The following CEP85L variants were observed in gnomAD, a reference collection of about 807,000 sequenced individuals.
The protein encoded by CEP85L is centrosomal protein 85L.
A neutral mutation model predicts 100.3 loss-of-function variants in CEP85L; 60 were observed. The observed-to-expected ratio is 0.60, with a 90% CI of 0.49 to 0.74. The LOEUF (loss-of-function observed/expected upper bound fraction) is 0.74. Among genes scored for constraint, CEP85L ranks in the 30% least tolerant of loss-of-function variants. The pLI is 0.00. For synonymous variants in CEP85L, 319 were observed against 322.7 expected (o/e 0.99, Z 0.12); for missense variants, 973 against 936.2 (o/e 1.04, Z -0.51).
At chr6:118,559,783 G>A (rs1449233507) in intron 3 of CEP85L, 1 of 167,844 alleles carries the variant, frequency 6.0e-6, no homozygotes, top group East Asian at 1.9e-4. Flanking sequence ...GTACATGTAG[G>A]TAAATCATAA....
chr6:118,664,234 C>CAGTTGGTTGAATTCAT (rs1247173039), intron 1 of CEP85L, among the ~76,000 whole-genome samples: 1 of 152,152 alleles, frequency 6.6e-6, no homozygotes, highest in Non-Finnish European at 1.5e-5. Context: ...GTTGAATTCA[C>CAGTTGGTTGAATTCAT]AGTTGGTTGA....
intron 12 of CEP85L, among the ~76,000 whole-genome samples, chr6:118,468,686 CA>C (rs34377335): frequency 0.71 from 107,763 of 152,036 alleles, 38,919 homozygotes; most frequent in African/African-American, 0.75. Flanking sequence ...CACTGGAAAG[CA>C]AAAATATTTC....
chr6:118,481,795 C>A lies in CEP85L; in HGVS notation c.1729G>T (p.Val577Leu), dbSNP rs751667939. Residue 577 changes from valine to leucine, a missense_variant, in exon 8 of 13, where the codon GTA becomes TTA. Physicochemically the swap from Val to Leu is conservative, Grantham distance 32. Transcript: ENST00000368491. ...ICQKKKEKEL[V>L]TTVQSLQQKV... is the part of the protein sequence containing the mutation. ...TTTTCTTACCTCTGAACGGTAGTTA[C>A]TAACTCCTTTTCTTTCTTTTTCTGG... 1 of 1,583,302 alleles carries A rather than the reference C, an allele frequency of 6.3e-7. No homozygotes were observed. The highest frequency in any genetic ancestry group is 1.2e-5 in the South Asian group (1 of 84,390).
At chr6:118,628,261 T>C (rs977813164) in intron 2 of CEP85L, among the ~76,000 whole-genome samples, 2 of 152,100 alleles carry the variant, frequency 1.3e-5, no homozygotes, top group Admixed American at 6.5e-5. Flanking sequence ...AGACCAGGAA[T>C]TTAAAACAAC....
chr6:118,587,367 C>A (rs1777652), intron 2 of CEP85L, among the ~76,000 whole-genome samples: 2,970 of 152,220 alleles, frequency 0.02, 89 homozygotes, highest in African/African-American at 0.067. Context: ...ATAGCAAATG[C>A]CTCCCTCTGC....
At chr6:118,527,765 T>C (rs1348951307) in intron 3 of CEP85L, among the ~76,000 whole-genome samples, 1 of 152,210 alleles carries the variant, frequency 6.6e-6, no homozygotes, top group Non-Finnish European at 1.5e-5. Flanking sequence ...TAATTTATAA[T>C]ACTAATATTT....
intron 1 of CEP85L, among the ~76,000 whole-genome samples, chr6:118,663,573 T>C (rs1325009093): frequency 6.6e-6 from 1 of 152,202 alleles, no homozygotes; most frequent in Non-Finnish European, 1.5e-5. Flanking sequence ...CAGCCTAAAG[T>C]AATGAGTACA....
intron 1 of CEP85L, among the ~76,000 whole-genome samples, chr6:118,646,704 C>T (rs529930944): frequency 6.6e-6 from 1 of 152,208 alleles, no homozygotes; most frequent in Non-Finnish European, 1.5e-5. Flanking sequence ...GTCTGATGAT[C>T]ACGTTCTTCA....
At chr6:118,606,245 C>A (rs1397278964) in intron 2 of CEP85L, among the ~76,000 whole-genome samples, 4 of 152,110 alleles carry the variant, frequency 2.6e-5, no homozygotes, top group African/African-American at 9.7e-5. Flanking sequence ...TGACTTTAGC[C>A]TTCCCAAATG....
In CEP85L at chr6:118,469,263, T is replaced by G; in HGVS notation, c.2063A>C (p.Gln688Pro). ...CCTAGATTGGTCAGGTTCCTGGCCC[T>G]GATCCAATAAAGAGCATGTCTCATC... is the stretch of plus-strand genomic sequence containing the variant. ...QTDETCSLLD[Q>P]GQEPDQSRQQ... is the part of the protein sequence containing the mutation. Residue 688 changes from glutamine (Q) to proline (P), a missense_variant, in exon 12 of 13, where the codon CAG becomes CCG. Coordinates refer to ENST00000368491, the MANE Select transcript of CEP85L (RefSeq NM_001042475.3). 2 of 1,614,014 alleles carry G rather than the reference T, an allele frequency of 1.2e-6. No individual in the cohort carries two copies. The highest frequency in any genetic ancestry group is 1.7e-6 in the Non-Finnish European group (2 of 1,179,890).
chr6:118,498,888 T>TA (rs1444128481), intron 5 of CEP85L, among the ~76,000 whole-genome samples: 1 of 152,024 alleles, frequency 6.6e-6, no homozygotes, highest in African/African-American at 2.4e-5. Flanking sequence ...CTTAAAAAGA[T>TA]AAAAAATCAT....
At chr6:118,558,621 GCACATACACACACA>G (rs1166953067) in intron 3 of CEP85L, among the ~76,000 whole-genome samples, 11 of 60,080 alleles carry the variant, frequency 1.8e-4, no homozygotes, top group African/African-American at 5.6e-4. Flanking sequence ...AGAAACACGT[GCACATACACACACA>G]CACACACACA....
At chr6:118,652,559 G>A, upstream of CEP85L, 1 of 1,433,108 alleles carries the variant, frequency 7.0e-7, no homozygotes, top group South Asian at 1.4e-5. Context: ...GAGAGGCTTT[G>A]AGTTCCGCTT....
chr6:118,465,572 T>C lies in CEP85L; in HGVS notation c.2255-4A>G. ...TCTTCAGCTGAACAGTTCATTGCTG[T>C]GTAAATAAAACATAGAGAGAATATC... On this transcript the variant is annotated splice_polypyrimidine_tract_variant and splice_region_variant and intron_variant, in intron 12 of 12. Coordinates refer to ENST00000368491, the MANE Select transcript of CEP85L (RefSeq NM_001042475.3). 6.2e-7 allele frequency: 1 copy of C among 1,605,148 alleles called. No homozygotes were observed. Among genetic ancestry groups the C allele is most frequent in the South Asian group, 1.1e-5 (1 of 89,004 alleles).
At chr6:118,475,831 G>T (rs1484523174) in intron 10 of CEP85L, among the ~76,000 whole-genome samples, 1 of 152,012 alleles carries the variant, frequency 6.6e-6, no homozygotes, top group Admixed American at 6.6e-5. Context: ...TTTCTCTCCA[G>T]TTCCCACTCT....
chr6:118,572,759 T>A (rs79817108), intron 2 of CEP85L, among the ~76,000 whole-genome samples: 4,113 of 151,906 alleles, frequency 0.027, 190 homozygotes, highest in African/African-American at 0.094. Flanking sequence ...TACAAACATA[T>A]TAATCTCAAT....
intron 3 of CEP85L, among the ~76,000 whole-genome samples, chr6:118,530,193 A>G (rs973943): frequency 0.99 from 150,770 of 152,160 alleles, 74,714 homozygotes; most frequent in East Asian, 1. Flanking sequence ...CAATCATATT[A>G]CCAACTTTAG....
intron 1 of CEP85L, 50 bp downstream of exon 1, chr6:118,651,147 G>C: frequency 6.8e-7 from 1 of 1,460,682 alleles, no homozygotes; most frequent in Non-Finnish European, 9.0e-7. Context: ...CCGAGGCGCC[G>C]CGGTCGGCCG....
intron 2 of CEP85L, among the ~76,000 whole-genome samples, chr6:118,608,945 C>G (rs1287977457): frequency 6.6e-6 from 1 of 152,088 alleles, no homozygotes; most frequent in Non-Finnish European, 1.5e-5. Context: ...CTTAAATGCC[C>G]ATGGAGATCA....
Sources: allele counts gnomAD v4.1 joint callset (sites outside exome capture counted in the v4.1 genomes callset), GRCh38; gene constraint gnomAD v4.1.1; transcripts MANE v1.5; gene names NCBI Gene and HGNC (gene_info 2026-07-23, HGNC 2026-07-21).